GRID2: variants seen among roughly 807,000 people sequenced by gnomAD.
GRID2 encodes glutamate receptor ionotropic, delta-2.
Under a neutral mutation model 114.8 loss-of-function variants are expected in GRID2, and 33 were observed. That is an observed-to-expected ratio of 0.29 (90% CI 0.22 to 0.38). The LOEUF is 0.38. GRID2 is among the 10% of genes least tolerant of loss of function. The pLI is 1.00. For synonymous variants in GRID2, 505 were observed against 449.9 expected (o/e 1.12, Z -1.55); for missense variants, 1,184 against 1,257.7 (o/e 0.94, Z 0.89).
At chr4:92,840,315 C>T (rs1742791030) in intron 2 of GRID2, among the ~76,000 whole-genome samples, 5 of 151,908 alleles carry the variant, frequency 3.3e-5, no homozygotes, top group Admixed American at 3.3e-4. Context: ...AGTTCATTTA[C>T]ATTCAATATT....
intron 13 of GRID2, among the ~76,000 whole-genome samples, chr4:93,594,242 T>A (rs1167590281): frequency 7.2e-5 from 11 of 152,038 alleles, no homozygotes; most frequent in Non-Finnish European, 1.6e-4. Context: ...GGTGTGGATG[T>A]CCTTTCTGTT....
At chr4:93,110,242 A>T (rs1414358065) in intron 3 of GRID2, among the ~76,000 whole-genome samples, 1 of 152,172 alleles carries the variant, frequency 6.6e-6, no homozygotes, top group Non-Finnish European at 1.5e-5. Context: ...CCCTTTGAAG[A>T]TAACCTTTTG....
intron 8 of GRID2, among the ~76,000 whole-genome samples, chr4:93,300,580 CTAT>C (rs1174723165): frequency 1.3e-5 from 2 of 152,082 alleles, no homozygotes; most frequent in Non-Finnish European, 2.9e-5. Flanking sequence ...ATATATCTTA[CTAT>C]TATTAGGAAA....
intron 13 of GRID2, among the ~76,000 whole-genome samples, chr4:93,576,076 G>A (rs1736390830): frequency 6.6e-6 from 1 of 152,106 alleles, no homozygotes; most frequent in Non-Finnish European, 1.5e-5. Flanking sequence ...CTTCTATATA[G>A]AATTCACTTA....
intron 9 of GRID2, among the ~76,000 whole-genome samples, chr4:93,398,131 G>GTGTGTGTGTGTATGTATATATA (rs1270798969): frequency 2.7e-5 from 3 of 111,546 alleles, no homozygotes; most frequent in African/African-American, 1.8e-4. Context: ...GTATGTGTGT[G>GTGTGTGTGTGTATGTATATATA]TGTATATATA....
chr4:93,311,411 C>A (rs1422072466), intron 8 of GRID2, among the ~76,000 whole-genome samples: 1 of 152,078 alleles, frequency 6.6e-6, no homozygotes, highest in African/African-American at 2.4e-5. Context: ...TAACTGTGCA[C>A]CAATTTCTTC....
chr4:93,200,590 C>CAAACAAAA (rs1554006839), intron 4 of GRID2, among the ~76,000 whole-genome samples: 3 of 151,422 alleles, frequency 2.0e-5, no homozygotes, highest in Non-Finnish European at 4.4e-5. Context: ...AACAAACAAA[C>CAAACAAAA]AAAAAAACAT....
intron 2 of GRID2, among the ~76,000 whole-genome samples, chr4:93,010,999 C>T (rs1418575798): frequency 6.6e-6 from 1 of 151,702 alleles, no homozygotes; most frequent in Non-Finnish European, 1.5e-5. Flanking sequence ...TCTTTTCTGA[C>T]CTTTTTAGAT....
At chr4:92,951,333 T>TTTTATTTTTTTA (rs1752019163) in intron 2 of GRID2, among the ~76,000 whole-genome samples, 1 of 150,388 alleles carries the variant, frequency 6.6e-6, no homozygotes, top group African/African-American at 2.5e-5. Flanking sequence ...TCGCAAAATT[T>TTTTATTTTTTTA]TTTATTTATT....
Position 92,704,703 on chromosome 4 carries a change from C to CTCTCTCTCTCTCTCTCTCTT in GRID2, c.244+114437_244+114456dup, listed in dbSNP as rs1553918657. 7.3e-3 allele frequency among the ~76,000 whole-genome samples: 1,015 copies of CTCTCTCTCTCTCTCTCTCTT among 139,754 alleles called. 20 individuals carry two copies. Among genetic ancestry groups the CTCTCTCTCTCTCTCTCTCTT allele is most frequent in the African/African-American group, 0.027 (965 of 36,126 alleles). 91.7% of individuals were successfully genotyped at this position (139,754 alleles called of 152,430 possible). A position where few individuals can be genotyped will look rare whatever the true frequency, so the allele number is the denominator to read the frequency against. On this transcript the variant is annotated intron_variant, in intron 2 of 15. Coordinates refer to ENST00000282020, the MANE Select transcript of GRID2 (RefSeq NM_001510.4). ...TTTTCTCCCCAATCAATCAATCAATCTCTCTCTCTCTCTCTCTCTTTCTCT... is the reference window on the plus strand; with the variant it reads ...TTTTCTCCCCAATCAATCAATCAATCTCTCTCTCTCTCTCTCTCTTTCTCTCTCTCTCTCTCTCTTTCTCT...
chr4:93,300,045 A>G (rs1754705126), intron 8 of GRID2, among the ~76,000 whole-genome samples: 2 of 152,122 alleles, frequency 1.3e-5, no homozygotes, highest in Admixed American at 1.3e-4. Context: ...ACTTTAAATC[A>G]TCTCTAAATT....
intron 2 of GRID2, among the ~76,000 whole-genome samples, chr4:93,034,351 C>T (rs189111736): frequency 6.6e-6 from 1 of 152,084 alleles, no homozygotes; most frequent in Non-Finnish European, 1.5e-5. Flanking sequence ...AAACCTTGTA[C>T]GTCAGCACCT....
At chr4:92,862,259 AC>A (rs1189307209) in intron 2 of GRID2, among the ~76,000 whole-genome samples, 1 of 151,974 alleles carries the variant, frequency 6.6e-6, no homozygotes, top group African/African-American at 2.4e-5. Context: ...ATATTTTGCT[AC>A]CCCCAAATCA....
At chr4:92,895,451 T>C (rs1031965135) in intron 2 of GRID2, among the ~76,000 whole-genome samples, 15 of 144,928 alleles carry the variant, frequency 1.0e-4, no homozygotes, top group African/African-American at 2.9e-4. Context: ...AAACAAGTTA[T>C]ATAAGCTTAT....
chr4:92,653,895 G>C (rs1732100742), intron 2 of GRID2, among the ~76,000 whole-genome samples: 1 of 152,022 alleles, frequency 6.6e-6, no homozygotes, highest in Non-Finnish European at 1.5e-5. Context: ...TTGGCTATTA[G>C]GATGGTTAAC....
In GRID2 at chr4:93,592,672, C is replaced by T. The variant is rs540444497; in HGVS notation, c.2194-33597C>T. ...GACAGTGGGGTGTTAAAGTCTCCCACTATTAATGTGTGGGAGTCTAAGTCT... is the reference window on the plus strand; with the variant it reads ...GACAGTGGGGTGTTAAAGTCTCCCATTATTAATGTGTGGGAGTCTAAGTCT... On this transcript the variant is annotated intron_variant, in intron 13 of 15. Transcript: ENST00000282020. Among the ~76,000 whole-genome samples, 185 of 152,104 alleles carry T rather than the reference C, an allele frequency of 1.2e-3. 2 individuals are homozygous for T. The highest frequency in any genetic ancestry group is 8.7e-4 in the Non-Finnish European group (59 of 67,994).
chr4:93,760,712 C>G lies in GRID2; in HGVS notation c.2361-8498C>G, dbSNP rs17021093. Among the ~76,000 whole-genome samples the G allele has an allele frequency of 2.6e-3, 391 of 152,336 alleles. 7 individuals carry two copies. The East Asian group carries it at 0.048, about 19-fold the overall frequency. On this transcript the variant is annotated intron_variant, in intron 14 of 15. Coordinates refer to ENST00000282020, the MANE Select transcript of GRID2 (RefSeq NM_001510.4). ...AACTACTAATTAATTTACAGTACTT[C>G]TGGTCACACATAATTAAAAACCATT...
intron 1 of GRID2, among the ~76,000 whole-genome samples, chr4:92,335,417 T>A (rs1377711809): frequency 6.6e-6 from 1 of 152,226 alleles, no homozygotes; most frequent in African/African-American, 2.4e-5. Flanking sequence ...CACTGAGAGA[T>A]TTGCCCAGCA....
intron 2 of GRID2, among the ~76,000 whole-genome samples, chr4:92,862,079 C>T (rs1021120948): frequency 6.6e-6 from 1 of 151,910 alleles, no homozygotes; most frequent in African/African-American, 2.4e-5. Flanking sequence ...GAAGGCCTGG[C>T]AGAATTGTCT....
Sources: gnomAD v4.1 joint callset for allele counts (sites outside exome capture counted in the v4.1 genomes callset) on GRCh38, gnomAD v4.1.1 for gene constraint, MANE v1.5 for transcripts, NCBI Gene and HGNC (gene_info 2026-07-23, HGNC 2026-07-21) for gene names.